The following HUWE1 variants were observed in gnomAD, a reference collection of about 807,000 sequenced individuals.
The protein encoded by HUWE1 is E3 ubiquitin-protein ligase HUWE1.
Under a neutral mutation model 299.4 loss-of-function variants are expected in HUWE1, and 18 were observed. The observed-to-expected ratio is 0.06, with a 90% confidence interval of 0.04 to 0.09. The LOEUF is 0.09. HUWE1 is among the 10% of genes least tolerant of loss of function. The pLI, the probability that HUWE1 is intolerant of heterozygous loss-of-function variation, is 1.00. For synonymous variants in HUWE1, 1,317 were observed against 1,286.1 expected (o/e 1.02, Z -0.51); for missense variants, 1,832 against 3,462.3 (o/e 0.53, Z 11.82).
At chrX:53,647,062 C>G (rs1413787994) in intron 6 of HUWE1, among the ~76,000 whole-genome samples, 1 of 111,622 alleles carries the variant, frequency 9.0e-6, no homozygotes, top group East Asian at 2.8e-4. Flanking sequence ...TGGGGCTGCT[C>G]TAACAACCTA....
At chrX:53,667,102 T>A (rs1226189558) in intron 3 of HUWE1, among the ~76,000 whole-genome samples, 1 of 111,416 alleles carries the variant, frequency 9.0e-6, no homozygotes, top group East Asian at 2.8e-4. Context: ...TTAGAAGCAA[T>A]CGTAATATAA....
Position 53,533,284 on chromosome X carries a change from C to A in HUWE1, c.*25G>T, listed in dbSNP as rs781977893. 64 of 1,041,617 alleles carry A rather than the reference C, an allele frequency of 6.1e-5. No individual in the cohort carries two copies. Among genetic ancestry groups the A allele is most frequent in the African/African-American group, 1.9e-4 (10 of 53,731 alleles). The allele number at this position is 1,041,617 out of a possible 1,213,427, so 85.8% of individuals were successfully genotyped here. On this transcript the variant is annotated 3_prime_UTR_variant, in exon 84 of 84. Coordinates refer to ENST00000262854, the MANE Select transcript of HUWE1 (RefSeq NM_031407.7). ...CCAGGTCCAACAATGGTAAAAAAAA[C>A]CCCACGGAGTTGGGCAGGGCCTTAT...
rs782234241 is a variant in HUWE1 at position 53,629,522 on chromosome X, C to A, written c.957G>T (p.Gln319His). The change falls in exon 13 of 84, where the codon CAG becomes CAT. Residue 319 changes from glutamine (Q) to histidine (H), a missense_variant. By Grantham distance (24) the Gln-to-His change is conservative (BLOSUM62 0). Coordinates refer to ENST00000262854, the MANE Select transcript of HUWE1 (RefSeq NM_031407.7). ...CAACCTGTAAAATACTTACCATAAG[C>A]TGCTTATCCGTTATCTGAAGGACAT... ...LVDVLQITDK[Q>H]LMEIKAASLR... 182 of 1,155,237 alleles carry A rather than the reference C, an allele frequency of 1.6e-4. No homozygotes were observed. The highest frequency in any genetic ancestry group is 2.1e-4 in the Non-Finnish European group (179 of 846,196).
intron 67 of HUWE1, among the ~76,000 whole-genome samples, 154 bp from the exon 68 acceptor site, chrX:53,548,427 G>A (rs1440062643): frequency 1.8e-5 from 2 of 112,830 alleles, no homozygotes; most frequent in Non-Finnish European, 3.7e-5. Flanking sequence ...CCAACAGACA[G>A]TAAAGCAGCC....
At chrX:53,580,745 A>G (rs1413004429) in intron 43 of HUWE1, 86 bp downstream of exon 43, 3 of 951,961 alleles carry the variant, frequency 3.2e-6, no homozygotes, top group Non-Finnish European at 4.5e-6. Flanking sequence ...AGGCTCTTCA[A>G]GTTACAGACC....
chrX:53,559,099 G>T, intron 57 of HUWE1, 39 bp from the exon 58 acceptor site: 1 of 1,065,114 alleles, frequency 9.4e-7, no homozygotes, highest in Non-Finnish European at 1.3e-6. Flanking sequence ...TCTTGGCCTT[G>T]TCAAGCATTA....
At chrX:53,639,944 A>G (rs1557029442) in intron 7 of HUWE1, among the ~76,000 whole-genome samples, 1 of 112,824 alleles carries the variant, frequency 8.9e-6, no homozygotes, top group Non-Finnish European at 1.9e-5. Flanking sequence ...ATTTGTTGGC[A>G]AAAGTAGGTT....
chrX:53,645,488 C>T, intron 6 of HUWE1, 25 bp from the exon 7 acceptor site: 1 of 1,203,711 alleles, frequency 8.3e-7, no homozygotes, highest in Non-Finnish European at 1.1e-6. Context: ...AAGGGCAAAG[C>T]TCAAGGTATC....
chrX:53,659,710 T>C (rs188788686), intron 3 of HUWE1, among the ~76,000 whole-genome samples: 2 of 111,927 alleles, frequency 1.8e-5, no homozygotes, highest in Admixed American at 9.4e-5. Flanking sequence ...GATGTATCAA[T>C]GTAGATTAAT....
intron 47 of HUWE1, 136 bp downstream of exon 47, chrX:53,573,614 G>T: frequency 3.6e-6 from 2 of 552,915 alleles, no homozygotes; most frequent in Non-Finnish European, 6.2e-6. Context: ...GGCCTTGCAT[G>T]TCTGAAGATG....
intron 8 of HUWE1, among the ~76,000 whole-genome samples, chrX:53,633,476 T>C (rs2067004594): frequency 8.9e-6 from 1 of 112,028 alleles, no homozygotes; most frequent in Admixed American, 9.5e-5. Flanking sequence ...AAATAATCAC[T>C]AAAGAAAAGT....
chrX:53,572,854 A>C (rs782290420), intron 47 of HUWE1, among the ~76,000 whole-genome samples: 2 of 111,000 alleles, frequency 1.8e-5, no homozygotes, highest in Admixed American at 9.6e-5. Flanking sequence ...TTTTACTTAG[A>C]TGTCCCACAG....
At chrX:53,611,897 A>G (rs1318581519) in intron 23 of HUWE1, among the ~76,000 whole-genome samples, 1 of 110,644 alleles carries the variant, frequency 9.0e-6, no homozygotes, top group Non-Finnish European at 1.9e-5. Context: ...AATAAAGATA[A>G]AAGTTAATCA....
intron 3 of HUWE1, among the ~76,000 whole-genome samples, chrX:53,666,027 C>T (rs1229854894): frequency 1.8e-5 from 2 of 111,927 alleles, no homozygotes; most frequent in Middle Eastern, 4.7e-3. Context: ...AAAAGCCTGC[C>T]TGTATCGAAT....
Position 53,547,979 on chromosome X carries a change from G to A in HUWE1, c.10330C>T (p.Arg3444Cys), listed in dbSNP as rs1556924659. The change falls in exon 68 of 84, where the codon CGC becomes TGC. Residue 3444 changes from arginine to cysteine, a missense_variant. Arg to Cys is a radical substitution (Grantham distance 180). Transcript: ENST00000262854. Reference sequence around the variant, plus strand: ...TTCTCAGTTAAGAGAGAGCTCCGGCGGATGACTGGGTGTGACAACATGTTC... The same window carrying A: ...TTCTCAGTTAAGAGAGAGCTCCGGCAGATGACTGGGTGTGACAACATGTTC... ...LMNMLSHPVI[R>C]RSSLLTEKLL... 6.6e-6 allele frequency: 8 copies of A among 1,211,195 alleles called. No homozygotes were observed. The highest frequency in any genetic ancestry group is 1.8e-5 in the South Asian group (1 of 56,863).
At chrX:53,586,109 T>C (rs2063844923) in intron 39 of HUWE1, among the ~76,000 whole-genome samples, 1 of 112,420 alleles carries the variant, frequency 8.9e-6, no homozygotes. Flanking sequence ...TACTTTCCTT[T>C]TGTTTCTACT....
chrX:53,592,578 T>A lies in HUWE1; in HGVS notation c.3792A>T (p.Val1264=), dbSNP rs1556980301. ...TCGATTCAGCCATTCGTCCACCATA[T>A]ACCTTCAGGGGTTTCCGGTTCCATA... The part of the protein sequence containing the change: ...KNLWNRKPLK[V]YGGRMAESML... The change falls in exon 33 of 84, where the codon GTA becomes GTT. Residue 1264 remains valine (V), a synonymous_variant. Coordinates refer to ENST00000262854, the MANE Select transcript of HUWE1 (RefSeq NM_031407.7). 8.3e-7 allele frequency: 1 copy of A among 1,211,490 alleles called. No homozygotes were observed. The highest frequency in any genetic ancestry group is 1.1e-6 in the Non-Finnish European group (1 of 895,166).
chrX:53,655,393 A>C (rs2068699141), intron 3 of HUWE1, among the ~76,000 whole-genome samples: 1 of 112,110 alleles, frequency 8.9e-6, no homozygotes, highest in South Asian at 3.7e-4. Flanking sequence ...GCATTCAAGG[A>C]AGAGTTTGTG....
intron 55 of HUWE1, among the ~76,000 whole-genome samples, 167 bp downstream of exon 55, chrX:53,561,589 G>A (rs2062295140): frequency 8.9e-6 from 1 of 111,825 alleles, no homozygotes. Context: ...CTTCTCCTAA[G>A]TATACACTAA....
Sources: gnomAD v4.1 joint callset for allele counts (sites outside exome capture counted in the v4.1 genomes callset) on GRCh38, gnomAD v4.1.1 for gene constraint, MANE v1.5 for transcripts, NCBI Gene and HGNC (gene_info 2026-07-23, HGNC 2026-07-21) for gene names.